Variants in MMS19 observed in about 807,000 individuals in gnomAD.
The protein encoded by MMS19 is MMS19 cytosolic iron-sulfur assembly component.
Under a neutral mutation model 129.8 loss-of-function variants are expected in MMS19, and 77 were observed. The observed-to-expected ratio is 0.59, with a 90% CI of 0.49 to 0.72. MMS19 has a LOEUF of 0.72. Ranked by LOEUF, MMS19 falls within the 30% of genes least tolerant of loss-of-function variation. MMS19 has a pLI of 0.00. For missense variants in MMS19, 1,168 were observed against 1,266.3 expected (o/e 0.92, Z 1.18); for synonymous variants, 491 against 502.8 (o/e 0.98, Z 0.31).
chr10:97,469,053 G>A lies in MMS19; in HGVS notation c.976C>T (p.His326Tyr), dbSNP rs1289767638. The change falls in exon 12 of 31, where the codon CAC (histidine) becomes TAC (tyrosine). Residue 326 changes from histidine to tyrosine, a missense_variant. This residue lies in a region of MMS19 where 831 missense variants were observed against 910.8 expected (regional missense o/e 0.91). Coordinates refer to ENST00000438925, the MANE Select transcript of MMS19 (RefSeq NM_022362.5). The part of the protein sequence containing the change: ...RVEAEGLAAL[H>Y]SLTACLSRSV... ...CGAGACAAACACGCAGTCAGGGAGT[G>A]GAGGGCCGCCAGGCCCTCTGCCTCC... 1.3e-6 allele frequency: 2 copies of A among 1,583,756 alleles called. No homozygotes were observed. The highest frequency in any genetic ancestry group is 2.3e-5 in the East Asian group (1 of 43,352).
intron 1 of MMS19, among the ~76,000 whole-genome samples, chr10:97,486,894 T>TATATATATATATATATAA (rs1554852566): frequency 1.5e-5 from 2 of 135,584 alleles, no homozygotes; most frequent in African/African-American, 2.7e-5. Context: ...TATATATATA[T>TATATATATATATATATAA]AAAATTAAGA....
chr10:97,485,798 G>C (rs2037738521), intron 1 of MMS19, among the ~76,000 whole-genome samples: 1 of 152,204 alleles, frequency 6.6e-6, no homozygotes, highest in South Asian at 2.1e-4. Flanking sequence ...CTGCTAGGAT[G>C]GCTATTATCA....
intron 2 of MMS19, among the ~76,000 whole-genome samples, chr10:97,483,530 G>A (rs1290689685): frequency 6.6e-6 from 1 of 152,202 alleles, no homozygotes; most frequent in African/African-American, 2.4e-5. Flanking sequence ...TTACTAATAA[G>A]ACTTGTCAAT....
rs1358156885 is a variant in MMS19, at chr10:97,465,796, A to G, written c.1756+9T>C. 1.2e-6 allele frequency: 2 copies of G among 1,609,850 alleles called. No homozygotes were observed. The highest frequency in any genetic ancestry group is 1.7e-6 in the Non-Finnish European group (2 of 1,178,976). ...GCCCAGTCCGTTGGTGGTTATTCCT[A>G]GTAGTTACCTCTGTTCACTTGCCAG... On this transcript the variant is annotated intron_variant, in intron 18 of 30. Transcript: ENST00000438925.
chr10:97,471,740 A>C (rs1216144633), intron 8 of MMS19, among the ~76,000 whole-genome samples: 2 of 152,176 alleles, frequency 1.3e-5, no homozygotes, highest in Non-Finnish European at 2.9e-5. Flanking sequence ...GGAACTCCTG[A>C]CCTCGAATGA....
chr10:97,471,490 A>G (rs1478009515), intron 8 of MMS19, among the ~76,000 whole-genome samples: 2 of 152,096 alleles, frequency 1.3e-5, no homozygotes, highest in East Asian at 1.9e-4. Context: ...AAAACATAGT[A>G]AAAGAAGGGA....
intron 1 of MMS19, among the ~76,000 whole-genome samples, chr10:97,488,662 G>C (rs2038336986): frequency 6.6e-6 from 1 of 152,166 alleles, no homozygotes. Context: ...GTATTGTTTA[G>C]TGAATAATGA....
intron 25 of MMS19, 79 bp from the exon 26 acceptor site, chr10:97,460,311 G>T (rs899266247): frequency 5.9e-6 from 8 of 1,363,722 alleles, no homozygotes; most frequent in Non-Finnish European, 8.0e-6. Context: ...GCCGGGTGTG[G>T]TGGCTCATGC....
chr10:97,465,569 T>G (rs1160583323), intron 18 of MMS19, among the ~76,000 whole-genome samples: 1 of 152,246 alleles, frequency 6.6e-6, no homozygotes, highest in Admixed American at 6.5e-5. Context: ...CCTCCCAAAG[T>G]GCTGAGATTA....
intron 1 of MMS19, among the ~76,000 whole-genome samples, chr10:97,488,785 T>C (rs2038363692): frequency 6.6e-6 from 1 of 152,208 alleles, no homozygotes; most frequent in African/African-American, 2.4e-5. Context: ...GAGGGCTAAC[T>C]GTACTGTGAA....
In MMS19 at chr10:97,473,211, T is replaced by C. The variant is rs2035092838; in HGVS notation, c.685-2350A>G. On this transcript the variant is annotated intron_variant, in intron 8 of 30. Transcript: ENST00000438925. The stretch of plus-strand genomic sequence containing the variant: ...CTACCACGCCTAGCTAATTTTTGTA[T>C]TTCTAGTAGAGACGGGATTCCACCA... Among the ~76,000 whole-genome samples, 3 of 152,120 alleles carry C rather than the reference T, an allele frequency of 2.0e-5. No individual in the cohort carries two copies. The South Asian group carries it at 6.2e-4, about 32-fold the overall frequency.
At position 97,477,934 on chromosome 10, in the gene MMS19, G is replaced by C. The variant is rs1356844337; in HGVS notation, c.349-5C>G. The C allele has an allele frequency of 6.9e-6, 11 of 1,588,276 alleles. No individual in the cohort carries two copies. Among genetic ancestry groups the C allele is most frequent in the Non-Finnish European group, 9.4e-6 (11 of 1,170,356 alleles). ...GGGCAGGGCCACACACAGGCTCTGGGGGAGAGGAGAAGGTACGTGAATACC... is the reference window on the plus strand; with the variant it reads ...GGGCAGGGCCACACACAGGCTCTGGCGGAGAGGAGAAGGTACGTGAATACC... On this transcript the variant is annotated splice_region_variant and splice_polypyrimidine_tract_variant and intron_variant, in intron 4 of 30. Coordinates refer to ENST00000438925, the MANE Select transcript of MMS19 (RefSeq NM_022362.5).
intron 1 of MMS19, among the ~76,000 whole-genome samples, chr10:97,485,681 CAG>C (rs1217429545): frequency 6.6e-6 from 1 of 152,026 alleles, no homozygotes; most frequent in African/African-American, 2.4e-5. Context: ...CTCCTGACCT[CAG>C]GTGATCCACC....
chr10:97,460,922 G>A lies in MMS19; in HGVS notation c.2397C>T (p.Phe799=). ...AACTCCTTACCCAGAGAAGAAGAGT[G>A]AAGGCCTGACTACGACAGGGCCCAG... ...LGSGPCRSQA[F]TLLLWVTKAL... is the part of the protein sequence containing the mutation. Residue 799 remains phenylalanine (F), a synonymous_variant, in exon 24 of 31, where the codon TTC becomes TTT. Transcript: ENST00000438925. 1.3e-6 allele frequency: 2 copies of A among 1,580,518 alleles called. No homozygotes were observed. The highest frequency in any genetic ancestry group is 1.7e-6 in the Non-Finnish European group (2 of 1,162,318).
chr10:97,474,986 C>A (rs990420716), intron 8 of MMS19, among the ~76,000 whole-genome samples: 4 of 152,140 alleles, frequency 2.6e-5, no homozygotes, highest in African/African-American at 4.8e-5. Flanking sequence ...CTAGCGATTT[C>A]TTTTAGGAAT....
At position 97,461,824 on chromosome 10, in the gene MMS19, T is replaced by C. The variant is rs753584162; in HGVS notation, c.2184+4A>G. The C allele has an allele frequency of 1.2e-6, 2 of 1,607,420 alleles. No individual in the cohort carries two copies. The highest frequency in any genetic ancestry group is 1.1e-5 in the South Asian group (1 of 89,544). On this transcript the variant is annotated splice_donor_region_variant and intron_variant, in intron 22 of 30. Coordinates refer to ENST00000438925, the MANE Select transcript of MMS19 (RefSeq NM_022362.5). The stretch of plus-strand genomic sequence containing the variant: ...AACAGTACTTCCCAAATGTGCTCAC[T>C]TACATTTCGAGGCAGGGAGCAGACA...
intron 19 of MMS19, 137 bp from the exon 20 acceptor site, chr10:97,462,819 G>GTGC: frequency 1.4e-6 from 1 of 690,384 alleles, no homozygotes; most frequent in South Asian, 1.7e-5. Flanking sequence ...GTCTCTGGTA[G>GTGC]TGCTATAGTC....
intron 14 of MMS19, 25 bp from the exon 15 acceptor site, chr10:97,466,926 T>A: frequency 1.9e-6 from 3 of 1,613,054 alleles, no homozygotes; most frequent in Non-Finnish European, 2.5e-6. Flanking sequence ...GAGGCCAGGT[T>A]AGAAGGAAGC....
chr10:97,490,923 G>A lies in MMS19; in HGVS notation c.113-6772C>T, dbSNP rs1389174837. Among the ~76,000 whole-genome samples the A allele has an allele frequency of 2.0e-5, 3 of 152,218 alleles. No individual in the cohort carries two copies. In the East Asian group the frequency reaches 5.8e-4, roughly 29 times the overall value. Reference sequence around the variant, plus strand: ...AAAAAATGAGCAGACTGTAAGGGTGGGGGAAGGGGTAGCAGCCAGACTAAC... The same window carrying A: ...AAAAAATGAGCAGACTGTAAGGGTGAGGGAAGGGGTAGCAGCCAGACTAAC... On this transcript the variant is annotated intron_variant, in intron 1 of 30. Coordinates refer to ENST00000438925, the MANE Select transcript of MMS19 (RefSeq NM_022362.5).
Sources: allele counts gnomAD v4.1 joint callset (sites outside exome capture counted in the v4.1 genomes callset), GRCh38; gene constraint gnomAD v4.1.1; regional missense constraint gnomAD v4.1.1; transcripts MANE v1.5; gene names NCBI Gene and HGNC (gene_info 2026-07-23, HGNC 2026-07-21).